ADAMTS19: variants seen among roughly 807,000 people sequenced by gnomAD.
ADAMTS19 encodes A disintegrin and metalloproteinase with thrombospondin motifs 19.
A neutral mutation model predicts 153.3 loss-of-function variants in ADAMTS19; 93 were observed. The observed-to-expected ratio is 0.61, with a 90% CI of 0.51 to 0.72. The LOEUF (loss-of-function observed/expected upper bound fraction) is 0.72. Ranked by LOEUF, ADAMTS19 falls within the 30% of genes least tolerant of loss-of-function variation. The pLI, the probability that ADAMTS19 is intolerant of heterozygous loss-of-function variation, is 0.00. For synonymous variants in ADAMTS19, 600 were observed against 556.6 expected, an observed-to-expected ratio of 1.08 and a Z score of -1.10; for missense variants, 1,482 against 1,552.1, an observed-to-expected ratio of 0.95 and a Z score of 0.76.
intron 14 of ADAMTS19, among the ~76,000 whole-genome samples, chr5:129,656,836 T>G (rs904580218): frequency 6.6e-6 from 1 of 152,250 alleles, no homozygotes; most frequent in Non-Finnish European, 1.5e-5. Flanking sequence ...AACTACTAAC[T>G]ACCAACGTAT....
chr5:129,529,650 A>G (rs1752130478), intron 6 of ADAMTS19, among the ~76,000 whole-genome samples: 1 of 152,168 alleles, frequency 6.6e-6, no homozygotes, highest in Non-Finnish European at 1.5e-5. Flanking sequence ...TCCTTGGGAA[A>G]AAATTCTTAA....
Position 129,737,503 on chromosome 5 carries a change from G to T in ADAMTS19, c.*285G>T, listed in dbSNP as rs57462756. ...AAATAGATCATTATACTTAAAACAA[G>T]TTTTCGTTGTTTGTTAGGGCTATCT... On this transcript the variant is annotated 3_prime_UTR_variant, in exon 23 of 23. Coordinates refer to ENST00000274487, the MANE Select transcript of ADAMTS19 (RefSeq NM_133638.6). The T allele has an allele frequency of 8.2e-3, 1,643 of 201,380 alleles. 26 individuals carry two copies. Among genetic ancestry groups the T allele is most frequent in the African/African-American group, 0.035 (1,506 of 43,064 alleles). The allele number at this position is 201,380 out of a possible 1,614,324, so 12.5% of individuals were successfully genotyped here.
At chr5:129,604,520 T>A (rs1750802303) in intron 8 of ADAMTS19, among the ~76,000 whole-genome samples, 1 of 152,212 alleles carries the variant, frequency 6.6e-6, no homozygotes, top group Non-Finnish European at 1.5e-5. Context: ...AGGAACCATA[T>A]CTGTTTTTGC....
At chr5:129,559,730 C>A (rs894190157) in intron 7 of ADAMTS19, among the ~76,000 whole-genome samples, 1 of 152,144 alleles carries the variant, frequency 6.6e-6, no homozygotes. Context: ...CAAAGTTTAT[C>A]TTTTCTTTTC....
chr5:129,672,229 T>C (rs2127098003), intron 16 of ADAMTS19, among the ~76,000 whole-genome samples: 1 of 152,244 alleles, frequency 6.6e-6, no homozygotes, highest in Admixed American at 6.5e-5. Context: ...TTCACTCTCA[T>C]GACCTCATCT....
At chr5:129,506,827 C>T (rs904373733) in intron 2 of ADAMTS19, among the ~76,000 whole-genome samples, 3 of 151,714 alleles carry the variant, frequency 2.0e-5, no homozygotes, top group African/African-American at 4.8e-5. Context: ...CAGAGCATTA[C>T]CCATGATAAG....
chr5:129,571,904 A>T (rs1753924249), intron 7 of ADAMTS19, among the ~76,000 whole-genome samples: 1 of 151,880 alleles, frequency 6.6e-6, no homozygotes, highest in South Asian at 2.1e-4. Context: ...CTATCCAATG[A>T]AAAAAGTTTT....
At chr5:129,618,973 A>T (rs1340397822) in intron 8 of ADAMTS19, among the ~76,000 whole-genome samples, 2 of 152,102 alleles carry the variant, frequency 1.3e-5, no homozygotes, top group Non-Finnish European at 2.9e-5. Flanking sequence ...GAGTGAACCA[A>T]AAGTAAAAAT....
rs768593769 is a variant in ADAMTS19 at position 129,654,323 on chromosome 5, T to A, written c.2194T>A (p.Phe732Ile). The A allele has an allele frequency of 1.4e-5, 22 of 1,611,384 alleles. No homozygotes were observed. Among genetic ancestry groups the A allele is most frequent in the Non-Finnish European group, 1.8e-5 (21 of 1,179,438 alleles). Residue 732 changes from phenylalanine (F) to isoleucine (I), a missense_variant, in exon 14 of 23, where the codon TTT becomes ATT. By Grantham distance (21) the Phe-to-Ile change is conservative. Coordinates refer to ENST00000274487, the MANE Select transcript of ADAMTS19 (RefSeq NM_133638.6). Reference protein sequence around the residue: ...VLDEEKPCALFCSPVGKEQPI... With the variant: ...VLDEEKPCALICSPVGKEQPI... ...GTATGTAGAAAAACCATGTGCCTTG[T>A]TTTGCTCTCCTGTTGGAAAAGAACA... is the stretch of plus-strand genomic sequence containing the variant.
chr5:129,709,463 T>C (rs989499598), intron 21 of ADAMTS19, among the ~76,000 whole-genome samples: 5 of 152,180 alleles, frequency 3.3e-5, no homozygotes, highest in Non-Finnish European at 7.4e-5. Flanking sequence ...TCATATATTA[T>C]ATTGTCATAG....
At chr5:129,714,438 A>AAAG (rs1554109514) in intron 21 of ADAMTS19, among the ~76,000 whole-genome samples, 4 of 151,068 alleles carry the variant, frequency 2.6e-5, no homozygotes, top group African/African-American at 9.7e-5. Flanking sequence ...AAAAAAAAAA[A>AAAG]AAAAAGAAAA....
chr5:129,590,902 C>T (rs10043738), intron 7 of ADAMTS19, among the ~76,000 whole-genome samples: 128,196 of 152,194 alleles, frequency 0.84, 54,189 homozygotes, highest in Non-Finnish European at 0.88. Flanking sequence ...GATCACATTA[C>T]ATGTTAATCT....
At chr5:129,628,982 T>A (rs1235715040) in intron 10 of ADAMTS19, among the ~76,000 whole-genome samples, 1 of 152,106 alleles carries the variant, frequency 6.6e-6, no homozygotes, top group Non-Finnish European at 1.5e-5. Flanking sequence ...AAGCAAAGCA[T>A]GACTGTAGTT....
chr5:129,581,334 G>T (rs1339318115), intron 7 of ADAMTS19, among the ~76,000 whole-genome samples: 1 of 151,928 alleles, frequency 6.6e-6, no homozygotes, highest in Non-Finnish European at 1.5e-5. Flanking sequence ...TCTTGGGAGG[G>T]TGTATGTGTC....
At chr5:129,728,003 G>A (rs143986486) in intron 21 of ADAMTS19, among the ~76,000 whole-genome samples, 69 of 152,234 alleles carry the variant, frequency 4.5e-4, no homozygotes, top group African/African-American at 1.6e-3. Context: ...TGATAAAACA[G>A]GTTGCGGTAA....
At chr5:129,543,353 G>A (rs1224961213) in intron 6 of ADAMTS19, among the ~76,000 whole-genome samples, 3 of 151,914 alleles carry the variant, frequency 2.0e-5, no homozygotes, top group Non-Finnish European at 4.4e-5. Flanking sequence ...CACCCAGCCT[G>A]GATTAACTAG....
chr5:129,532,693 T>G (rs1055356253), intron 6 of ADAMTS19, among the ~76,000 whole-genome samples: 5 of 152,192 alleles, frequency 3.3e-5, no homozygotes, highest in African/African-American at 1.2e-4. Context: ...TGCCAAAACT[T>G]ATAAATAAAT....
chr5:129,605,166 T>C (rs1750830236), intron 8 of ADAMTS19, among the ~76,000 whole-genome samples: 1 of 152,210 alleles, frequency 6.6e-6, no homozygotes, highest in African/African-American at 2.4e-5. Flanking sequence ...TAGCCTGTTT[T>C]CAAATTAGAT....
intron 18 of ADAMTS19, among the ~76,000 whole-genome samples, chr5:129,684,564 C>T (rs1421923013): frequency 7.1e-6 from 1 of 141,452 alleles, no homozygotes; most frequent in Non-Finnish European, 1.6e-5. Context: ...TATTTGTTTA[C>T]AGGGGCCTCC....
Sources: allele counts gnomAD v4.1 joint callset (sites outside exome capture counted in the v4.1 genomes callset), GRCh38; gene constraint gnomAD v4.1.1; transcripts MANE v1.5; gene names NCBI Gene and HGNC (gene_info 2026-07-23, HGNC 2026-07-21).